JAZF1: variants seen among roughly 807,000 people sequenced by gnomAD.
JAZF1 encodes JAZF zinc finger 1.
JAZF1 carries 8 observed loss-of-function variants against 26.4 expected under a neutral mutation model. The observed-to-expected ratio is 0.30, with a 90% CI of 0.18 to 0.55. The LOEUF (loss-of-function observed/expected upper bound fraction) is 0.55, where lower values mean the gene tolerates loss of function less well. Ranked by LOEUF, JAZF1 falls within the 20% of genes least tolerant of loss-of-function variation. The pLI is 0.94. For synonymous variants in JAZF1, 126 were observed against 122.3 expected (o/e 1.03, Z -0.20); for missense variants, 199 against 322.0 (o/e 0.62, Z 2.92).
chr7:28,178,341 AATAAAT>A (rs1254134867), intron 1 of JAZF1, among the ~76,000 whole-genome samples: 1 of 152,198 alleles, frequency 6.6e-6, no homozygotes, highest in Non-Finnish European at 1.5e-5. Context: ...AACACATTTT[AATAAAT>A]ATAATTTATA....
intron 1 of JAZF1, among the ~76,000 whole-genome samples, chr7:28,141,147 T>A (rs926627966): frequency 6.6e-6 from 1 of 152,144 alleles, no homozygotes; most frequent in Non-Finnish European, 1.5e-5. Flanking sequence ...CCTGTTACAG[T>A]GAAATCCCAA....
At chr7:27,956,274 G>A (rs991449901) in intron 2 of JAZF1, among the ~76,000 whole-genome samples, 10 of 152,130 alleles carry the variant, frequency 6.6e-5, no homozygotes, top group East Asian at 1.9e-4. Context: ...TCACACTCTC[G>A]TGAGAGCAGT....
intron 1 of JAZF1, among the ~76,000 whole-genome samples, chr7:28,066,602 CAAAAAAAAAA>C (rs911062551): frequency 9.4e-5 from 3 of 31,784 alleles, no homozygotes; most frequent in South Asian, 1.5e-3. Flanking sequence ...GACTCCATCT[CAAAAAAAAAA>C]AAAAAAAAAA....
chr7:27,904,832 T>C (rs1784223803), intron 2 of JAZF1, among the ~76,000 whole-genome samples: 1 of 152,238 alleles, frequency 6.6e-6, no homozygotes, highest in Non-Finnish European at 1.5e-5. Context: ...TTACAATGGT[T>C]GTGGATATAA....
At chr7:27,986,124 A>G (rs1249466111) in intron 2 of JAZF1, among the ~76,000 whole-genome samples, 1 of 152,180 alleles carries the variant, frequency 6.6e-6, no homozygotes, top group Non-Finnish European at 1.5e-5. Flanking sequence ...GCAATCAGGC[A>G]AGAGAAAGAA....
chr7:28,129,532 G>A (rs1782755530), intron 1 of JAZF1, among the ~76,000 whole-genome samples: 1 of 152,030 alleles, frequency 6.6e-6, no homozygotes, highest in Non-Finnish European at 1.5e-5. Context: ...GTTTTCAAGG[G>A]GTATTAATAT....
chr7:27,975,693 C>T (rs908389819), intron 2 of JAZF1, among the ~76,000 whole-genome samples: 6 of 152,210 alleles, frequency 3.9e-5, no homozygotes, highest in African/African-American at 1.2e-4. Context: ...TGAATTTCTA[C>T]TGACCTGTGA....
chr7:27,937,677 T>C (rs1583470956), intron 2 of JAZF1, among the ~76,000 whole-genome samples: 1 of 152,216 alleles, frequency 6.6e-6, no homozygotes, highest in Non-Finnish European at 1.5e-5. Flanking sequence ...TATGGATGGA[T>C]GTATAACAAC....
At chr7:28,180,337 C>A in intron 1 of JAZF1, 126 bp downstream of exon 1, 2 of 359,240 alleles carry the variant, frequency 5.6e-6, no homozygotes, top group South Asian at 5.6e-5. Flanking sequence ...CACCTCGGGG[C>A]TCGCACGCGC....
At chr7:27,862,930 T>A (rs1462619190) in intron 3 of JAZF1, among the ~76,000 whole-genome samples, 1 of 152,142 alleles carries the variant, frequency 6.6e-6, no homozygotes, top group Non-Finnish European at 1.5e-5. Context: ...AGACATGGGG[T>A]CAGCTCCTTT....
At chr7:27,937,630 GA>G (rs1253414771) in intron 2 of JAZF1, among the ~76,000 whole-genome samples, 4 of 151,820 alleles carry the variant, frequency 2.6e-5, no homozygotes, top group Admixed American at 6.6e-5. Flanking sequence ...TTATAAACAA[GA>G]AAAAAAATTA....
chr7:27,913,103 G>C lies in JAZF1; in HGVS notation c.189-17687C>G, dbSNP rs991466779. 1.3e-5 allele frequency among the ~76,000 whole-genome samples: 2 copies of C among 151,878 alleles called. 1 individual carries two copies. Among genetic ancestry groups the C allele is most frequent in the South Asian group, 4.2e-4 (2 of 4,810 alleles). On this transcript the variant is annotated intron_variant, in intron 2 of 4. Transcript: ENST00000283928. ...CACTGAATGCTACCCCAGTGTCTTTGAAAGAGTTAATTCACCTCCTGAGGG... is the reference window on the plus strand; with the variant it reads ...CACTGAATGCTACCCCAGTGTCTTTCAAAGAGTTAATTCACCTCCTGAGGG...
intron 1 of JAZF1, among the ~76,000 whole-genome samples, chr7:28,091,396 T>C (rs1291708469): frequency 6.6e-6 from 1 of 151,860 alleles, no homozygotes; most frequent in Non-Finnish European, 1.5e-5. Context: ...TTTCCCTTGC[T>C]CCCAATATGC....
At chr7:28,179,696 G>A (rs1452575296) in intron 1 of JAZF1, among the ~76,000 whole-genome samples, 1 of 148,224 alleles carries the variant, frequency 6.7e-6, no homozygotes, top group Non-Finnish European at 1.5e-5. Context: ...GCCGGGGCAG[G>A]GGAGGGCACC....
intron 3 of JAZF1, among the ~76,000 whole-genome samples, chr7:27,853,496 T>C (rs1423839021): frequency 6.6e-6 from 1 of 152,190 alleles, no homozygotes; most frequent in Non-Finnish European, 1.5e-5. Flanking sequence ...CAGAGTTGGT[T>C]CTTGCCTTGT....
At chr7:28,162,570 A>AATGACC (rs1783310369) in intron 1 of JAZF1, among the ~76,000 whole-genome samples, 1 of 152,232 alleles carries the variant, frequency 6.6e-6, no homozygotes, top group South Asian at 2.1e-4. Context: ...CAACAAGCTA[A>AATGACC]ATGGTAAGAT....
intron 3 of JAZF1, among the ~76,000 whole-genome samples, chr7:27,847,754 G>A (rs1031667957): frequency 2.6e-5 from 4 of 152,028 alleles, no homozygotes; most frequent in East Asian, 3.9e-4. Flanking sequence ...TGCAACCTCC[G>A]CCTCGTAGGT....
intron 1 of JAZF1, among the ~76,000 whole-genome samples, chr7:28,000,359 G>T (rs1164080448): frequency 6.6e-6 from 1 of 152,164 alleles, no homozygotes; most frequent in East Asian, 1.9e-4. Flanking sequence ...CGCACGCAGA[G>T]TAGCGCCTAC....
At chr7:28,095,104 C>A (rs890741354) in intron 1 of JAZF1, among the ~76,000 whole-genome samples, 2 of 152,196 alleles carry the variant, frequency 1.3e-5, no homozygotes, top group Non-Finnish European at 2.9e-5. Flanking sequence ...CAAGGCTCCA[C>A]GCAACCTCTC....
Sources: gnomAD v4.1 joint callset for allele counts (sites outside exome capture counted in the v4.1 genomes callset) on GRCh38, gnomAD v4.1.1 for gene constraint, MANE v1.5 for transcripts, NCBI Gene and HGNC (gene_info 2026-07-23, HGNC 2026-07-21) for gene names.